The following QKI variants were observed in gnomAD, a reference collection of about 807,000 sequenced individuals.
QKI encodes QKI, KH domain containing RNA binding, also known as KH domain-containing RNA-binding protein QKI.
In QKI, 10 loss-of-function variants were observed where a neutral mutation model predicts 39.0. The ratio of observed to expected loss-of-function variants is 0.26; its 90% CI spans 0.16 to 0.43. The LOEUF (loss-of-function observed/expected upper bound fraction) is 0.43, where lower values mean the gene tolerates loss of function less well. Ranked by LOEUF, QKI falls within the 20% of genes least tolerant of loss-of-function variation. The pLI, the probability that QKI is intolerant of heterozygous loss-of-function variation, is 1.00. For missense variants in QKI, 218 were observed against 428.0 expected, an observed-to-expected ratio of 0.51 and a Z score of 4.33; for synonymous variants, 204 against 155.4, an observed-to-expected ratio of 1.31 and a Z score of -2.33.
At chr6:163,563,834 A>G in intron 6 of QKI, 115 bp downstream of exon 6, 1 of 1,485,440 alleles carries the variant, frequency 6.7e-7, no homozygotes, top group Non-Finnish European at 8.9e-7. Flanking sequence ...TGCATTAGGG[A>G]AGACCGAAAA....
At chr6:163,453,147 T>G (rs1790697261) in intron 1 of QKI, among the ~76,000 whole-genome samples, 1 of 151,966 alleles carries the variant, frequency 6.6e-6, no homozygotes, top group Non-Finnish European at 1.5e-5. Flanking sequence ...AATCAGTATT[T>G]TTTCTTCCCT....
intron 4 of QKI, among the ~76,000 whole-genome samples, chr6:163,536,096 C>T (rs553968446): frequency 6.6e-6 from 1 of 152,198 alleles, no homozygotes; most frequent in East Asian, 1.9e-4. Flanking sequence ...AAATCATAAA[C>T]ATTTCCCATT....
chr6:163,503,943 G>A (rs1042249804), intron 3 of QKI, among the ~76,000 whole-genome samples: 5 of 151,856 alleles, frequency 3.3e-5, no homozygotes, highest in African/African-American at 1.2e-4. Flanking sequence ...GGGTTTTTCA[G>A]TGTTGCCCAA....
rs372835619 is a variant in QKI, at chr6:163,564,397, G to A, written c.934+678G>A. On this transcript the variant is annotated intron_variant, in intron 6 of 7. Coordinates refer to ENST00000361752, the MANE Select transcript of QKI (RefSeq NM_006775.3). ...TGGGACCACATAGTATAAGTGGTCC[G>A]TTGTTGACCAAAATGTTGTTATGCA... 4.6e-5 allele frequency: 61 copies of A among 1,311,852 alleles called. No individual in the cohort carries two copies. In the African/African-American group the frequency reaches 4.8e-4, roughly 10 times the overall value. 81.3% of individuals were successfully genotyped at this position (1,311,852 alleles called of 1,614,324 possible).
At chr6:163,528,443 G>A (rs887475609) in intron 3 of QKI, among the ~76,000 whole-genome samples, 1 of 152,102 alleles carries the variant, frequency 6.6e-6, no homozygotes, top group African/African-American at 2.4e-5. Context: ...CTCTGGCTAG[G>A]TATGGTAGCT....
intron 4 of QKI, among the ~76,000 whole-genome samples, chr6:163,536,280 A>C (rs1781203049): frequency 6.6e-6 from 1 of 152,186 alleles, no homozygotes; most frequent in South Asian, 2.1e-4. Flanking sequence ...AACTGTATAG[A>C]AAAGGAGATT....
rs984875748 is a variant in QKI, at chr6:163,448,263, A to C, written c.143-7016A>C. ...TTTTGTAGTTTTTGTTTTTGGACTTAGGATTGTGAAGTACAGAGTACAATT... is the reference window on the plus strand; with the variant it reads ...TTTTGTAGTTTTTGTTTTTGGACTTCGGATTGTGAAGTACAGAGTACAATT... On this transcript the variant is annotated intron_variant, in intron 1 of 7. Transcript: ENST00000361752. Among the ~76,000 whole-genome samples, 16 of 151,756 alleles carry C rather than the reference A, an allele frequency of 1.1e-4. 1 individual carries two copies. Among genetic ancestry groups the C allele is most frequent in the African/African-American group, 3.9e-4 (16 of 41,272 alleles).
At chr6:163,536,085 C>A (rs1021015406) in intron 4 of QKI, among the ~76,000 whole-genome samples, 1 of 152,140 alleles carries the variant, frequency 6.6e-6, no homozygotes, top group African/African-American at 2.4e-5. Flanking sequence ...AGTAAACTCA[C>A]AAATCATAAA....
rs554999281 is a variant in QKI at position 163,555,389 on chromosome 6, G to A, written c.547-6593G>A. Among the ~76,000 whole-genome samples, 47 of 151,900 alleles carry A rather than the reference G, an allele frequency of 3.1e-4. No homozygotes were observed. In the South Asian group the frequency reaches 3.7e-3, roughly 12 times the overall value. On this transcript the variant is annotated intron_variant, in intron 4 of 7. Transcript: ENST00000361752. Reference sequence around the variant, plus strand: ...ATTTATAAAAGCAAGACCAGTATGCGTGAGAGTTCTTAGAAAAGCCTGCAC... The same window carrying A: ...ATTTATAAAAGCAAGACCAGTATGCATGAGAGTTCTTAGAAAAGCCTGCAC...
chr6:163,446,763 C>T (rs538374846), intron 1 of QKI, among the ~76,000 whole-genome samples: 5 of 152,284 alleles, frequency 3.3e-5, no homozygotes, highest in African/African-American at 1.2e-4. Flanking sequence ...AATTAAGTAA[C>T]TGGTTTTTCA....
At chr6:163,453,496 C>T (rs1790722623) in intron 1 of QKI, among the ~76,000 whole-genome samples, 1 of 152,042 alleles carries the variant, frequency 6.6e-6, no homozygotes, top group Non-Finnish European at 1.5e-5. Context: ...TTTCTAATGT[C>T]CCTTGGTTAA....
chr6:163,513,673 C>T (rs1252596990), intron 3 of QKI, among the ~76,000 whole-genome samples: 1 of 152,074 alleles, frequency 6.6e-6, no homozygotes, highest in Non-Finnish European at 1.5e-5. Flanking sequence ...ACTTACTATT[C>T]TCCTCTAGAA....
At chr6:163,421,901 C>A (rs1349969760) in intron 1 of QKI, among the ~76,000 whole-genome samples, 2 of 151,830 alleles carry the variant, frequency 1.3e-5, no homozygotes, top group Non-Finnish European at 2.9e-5. Flanking sequence ...CCCGCCACCA[C>A]GCCCGGCTAA....
intron 4 of QKI, among the ~76,000 whole-genome samples, chr6:163,547,326 T>C (rs1411589410): frequency 2.0e-5 from 3 of 152,212 alleles, no homozygotes; most frequent in African/African-American, 7.2e-5. Context: ...TAAATGAGAA[T>C]AGAACAAAAT....
chr6:163,551,064 A>G (rs1782207905), intron 4 of QKI, among the ~76,000 whole-genome samples: 1 of 152,062 alleles, frequency 6.6e-6, no homozygotes, highest in African/African-American at 2.4e-5. Context: ...TCCATTTCTT[A>G]TGAAAACTAG....
At chr6:163,512,208 T>C (rs73246609) in intron 3 of QKI, among the ~76,000 whole-genome samples, 3,000 of 152,104 alleles carry the variant, frequency 0.02, 98 homozygotes, top group African/African-American at 0.068. Context: ...TAAATTCGCC[T>C]TATGAAAAGA....
At chr6:163,507,029 T>G (rs953697483) in intron 3 of QKI, among the ~76,000 whole-genome samples, 1 of 151,996 alleles carries the variant, frequency 6.6e-6, no homozygotes, top group African/African-American at 2.4e-5. Flanking sequence ...AAAGGAAAAA[T>G]GGCTAGGAAA....
intron 3 of QKI, among the ~76,000 whole-genome samples, chr6:163,523,211 A>G (rs1417501985): frequency 6.7e-6 from 1 of 149,168 alleles, no homozygotes; most frequent in Non-Finnish European, 1.5e-5. Flanking sequence ...GAAGGCAGGT[A>G]AAATACTCTC....
At chr6:163,523,788 G>A (rs1780302566) in intron 3 of QKI, among the ~76,000 whole-genome samples, 2 of 152,188 alleles carry the variant, frequency 1.3e-5, no homozygotes, top group Admixed American at 1.3e-4. Flanking sequence ...TACTGGTTGT[G>A]TACCAAACTT....
Sources: gnomAD v4.1 joint callset for allele counts (sites outside exome capture counted in the v4.1 genomes callset) on GRCh38, gnomAD v4.1.1 for gene constraint, MANE v1.5 for transcripts, NCBI Gene and HGNC (gene_info 2026-07-23, HGNC 2026-07-21) for gene names.